CUBN: variants seen among roughly 807,000 people sequenced by gnomAD.
The protein encoded by CUBN is 460 kDa receptor.
Under a neutral mutation model 405.3 loss-of-function variants are expected in CUBN, and 282 were observed. The observed-to-expected ratio is 0.70, with a 90% CI of 0.63 to 0.77. The LOEUF is 0.77. Among genes scored for constraint, CUBN ranks in the 30% least tolerant of loss-of-function variants. CUBN has a pLI of 0.00. For synonymous variants in CUBN, 1,684 were observed against 1,617.0 expected, an observed-to-expected ratio of 1.04 and a Z score of -0.99; for missense variants, 4,514 against 4,475.2, an observed-to-expected ratio of 1.01 and a Z score of -0.25.
At chr10:16,862,739 A>G (rs926005051) in intron 59 of CUBN, among the ~76,000 whole-genome samples, 6 of 152,224 alleles carry the variant, frequency 3.9e-5, no homozygotes, top group Non-Finnish European at 8.8e-5. Context: ...GTTGATTATT[A>G]TAGGGAATTT....
chr10:16,898,008 ATTTAGT>A (rs2131414682), intron 54 of CUBN, among the ~76,000 whole-genome samples: 1 of 151,776 alleles, frequency 6.6e-6, no homozygotes, highest in South Asian at 2.1e-4. Flanking sequence ...AAGAGAGTTC[ATTTAGT>A]TCATGGAAAA....
intron 59 of CUBN, among the ~76,000 whole-genome samples, chr10:16,857,550 A>G (rs997218348): frequency 6.6e-6 from 1 of 152,208 alleles, no homozygotes; most frequent in East Asian, 1.9e-4. Context: ...CTTGGAAATT[A>G]AAAAAATAAT....
intron 27 of CUBN, among the ~76,000 whole-genome samples, chr10:17,026,187 G>C (rs12146272): frequency 0.34 from 51,236 of 152,062 alleles, 9,995 homozygotes; most frequent in Middle Eastern, 0.49. Context: ...AGGATCTGTG[G>C]AGAGGCCTCA....
In CUBN at chr10:16,831,175, A is replaced by G. The variant is rs74787946; in HGVS notation, c.10528+77T>C. On this transcript the variant is annotated intron_variant, in intron 65 of 66. Transcript: ENST00000377833. Reference sequence around the variant, plus strand: ...GGTACACAGGTAGCTAAAAATATAAAGTTACTTTGCCTTTTACTATTAGAC... The same window carrying G: ...GGTACACAGGTAGCTAAAAATATAAGGTTACTTTGCCTTTTACTATTAGAC... 8.0e-4 allele frequency: 1,021 copies of G among 1,277,518 alleles called. 3 individuals are homozygous for G. In the African/African-American group the frequency reaches 0.011, roughly 13 times the overall value. The allele number at this position is 1,277,518 out of a possible 1,614,324, so 79.1% of individuals were successfully genotyped here.
At chr10:17,019,267 C>T (rs1461872668) in intron 28 of CUBN, among the ~76,000 whole-genome samples, 1 of 152,148 alleles carries the variant, frequency 6.6e-6, no homozygotes, top group East Asian at 1.9e-4. Flanking sequence ...TCCTGAACCA[C>T]CAATTCGTAG....
chr10:16,986,215 GA>G (rs1290990290), intron 29 of CUBN, among the ~76,000 whole-genome samples: 3 of 152,198 alleles, frequency 2.0e-5, no homozygotes, highest in Non-Finnish European at 4.4e-5. Context: ...CTCAGGACCA[GA>G]GCCAGGAAGG....
At chr10:16,916,775 T>G (rs1324221043) in intron 45 of CUBN, among the ~76,000 whole-genome samples, 2 of 152,102 alleles carry the variant, frequency 1.3e-5, no homozygotes. Flanking sequence ...ATCAAAATGC[T>G]GAAGAGGCAT....
chr10:16,842,213 T>TA (rs1401910710), intron 60 of CUBN, among the ~76,000 whole-genome samples: 1 of 151,882 alleles, frequency 6.6e-6, no homozygotes, highest in Non-Finnish European at 1.5e-5. Flanking sequence ...CCTAGCTAAT[T>TA]AAAAAAAATT....
chr10:17,085,495 G>A (rs1019318156), intron 16 of CUBN, 102 bp downstream of exon 16: 4 of 1,188,690 alleles, frequency 3.4e-6, no homozygotes, highest in Admixed American at 1.7e-5. Flanking sequence ...CTTGGTCTAA[G>A]ACAGTCAGTC....
chr10:17,084,300 G>A lies in CUBN; in HGVS notation c.2272C>T (p.Gln758Ter), dbSNP rs1836046768. Residue 758 changes from glutamine to a stop codon, truncating the protein, a stop_gained, in exon 17 of 67, where the codon CAG becomes TAG. Transcript: ENST00000377833. LOFTEE classifies it high-confidence loss of function. ...ATGTAATTCTGAGAACTGTCACTCT[G>A]GCATTGCAGCTCCACGTGGGTGAAG... ...INFTHVELQC[Q>*]SDSSQNYIEV... 1.2e-6 allele frequency: 2 copies of A among 1,614,120 alleles called. No individual in the cohort carries two copies. Among genetic ancestry groups the A allele is most frequent in the Non-Finnish European group, 1.7e-6 (2 of 1,180,026 alleles).
Position 16,899,193 on chromosome 10 carries a change from T to G in CUBN, c.8411-10A>C. On this transcript the variant is annotated splice_polypyrimidine_tract_variant and intron_variant, in intron 53 of 66. Coordinates refer to ENST00000377833, the MANE Select transcript of CUBN (RefSeq NM_001081.4). ...AATATTCCACCACAACCTGAAATAT[T>G]GCCATGTAAAAAGCCATCAATCAGC... The G allele has an allele frequency of 6.2e-7, 1 of 1,611,722 alleles. No individual in the cohort carries two copies. The highest frequency in any genetic ancestry group is 8.5e-7 in the Non-Finnish European group (1 of 1,177,790).
At chr10:16,929,650 C>A (rs929022686) in intron 40 of CUBN, among the ~76,000 whole-genome samples, 1 of 152,076 alleles carries the variant, frequency 6.6e-6, no homozygotes. Context: ...GGTTTCTGAT[C>A]GCTGGAAACT....
intron 63 of CUBN, 133 bp downstream of exon 63, chr10:16,836,102 A>T: frequency 1.2e-6 from 1 of 867,276 alleles, no homozygotes; most frequent in East Asian, 2.6e-5. Flanking sequence ...TCTAGTTAAG[A>T]GAGGGATGTG....
At position 16,831,129 on chromosome 10, in the gene CUBN, A is replaced by T. The variant is rs1838977491; in HGVS notation, c.10528+123T>A. ...CTGTACTTTCAATGTTAAAATCTCT[A>T]TTCTTAACATAAACTAATCAGGTAC... On this transcript the variant is annotated intron_variant, in intron 65 of 66. Transcript: ENST00000377833. 7.0e-6 allele frequency: 6 copies of T among 857,852 alleles called. No individual in the cohort carries two copies. In the East Asian group the frequency reaches 1.5e-4, roughly 22 times the overall value. The allele number at this position is 857,852 out of a possible 1,614,324, so 53.1% of individuals were successfully genotyped here.
Position 16,828,161 on chromosome 10 carries a change from G to C in CUBN, c.10764+644C>G, listed in dbSNP as rs79102389. Among the ~76,000 whole-genome samples, 698 of 147,708 alleles carry C rather than the reference G, an allele frequency of 4.7e-3. 1 individual carries two copies. Among genetic ancestry groups the C allele is most frequent in the Admixed American group, 6.8e-3 (97 of 14,216 alleles). The stretch of plus-strand genomic sequence containing the variant: ...CTAGGCAGTGCACTGACGTCACAGA[G>C]GGAGCTTTTTTTTAAAAAAACAGCG... On this transcript the variant is annotated intron_variant, in intron 66 of 66. Transcript: ENST00000377833.
intron 59 of CUBN, among the ~76,000 whole-genome samples, chr10:16,863,311 T>C (rs952252123): frequency 6.6e-6 from 1 of 152,126 alleles, no homozygotes; most frequent in African/African-American, 2.4e-5. Context: ...TTTAAATGGG[T>C]TTACAGTTTC....
chr10:16,890,731 T>C (rs1346726672), intron 54 of CUBN, among the ~76,000 whole-genome samples: 1 of 152,256 alleles, frequency 6.6e-6, no homozygotes, highest in Non-Finnish European at 1.5e-5. Context: ...TCTTGACTTC[T>C]CTAAGGAGAT....
At chr10:17,012,568 G>A (rs1834214743) in intron 28 of CUBN, among the ~76,000 whole-genome samples, 1 of 152,208 alleles carries the variant, frequency 6.6e-6, no homozygotes, top group Non-Finnish European at 1.5e-5. Context: ...TTGAGAGTGT[G>A]TGGTAGTAGG....
chr10:16,824,935 G>A lies in CUBN; in HGVS notation c.*40C>T. 1 of 1,412,772 alleles carries A rather than the reference G, an allele frequency of 7.1e-7. No individual in the cohort carries two copies. The highest frequency in any genetic ancestry group is 1.0e-6 in the Non-Finnish European group (1 of 997,678). The allele number at this position is 1,412,772 out of a possible 1,614,324, so 87.5% of individuals were successfully genotyped here. On this transcript the variant is annotated 3_prime_UTR_variant, in exon 67 of 67. Coordinates refer to ENST00000377833, the MANE Select transcript of CUBN (RefSeq NM_001081.4). ...ATGGCAGAGTGCTGTCCAGCGTGCT[G>A]CAGAGGGAAAGTGCTGAGTGAACAC...
Sources: allele counts gnomAD v4.1 joint callset (sites outside exome capture counted in the v4.1 genomes callset), GRCh38; gene constraint gnomAD v4.1.1; transcripts MANE v1.5; gene names NCBI Gene and HGNC (gene_info 2026-07-23, HGNC 2026-07-21).